The following PRKCA variants were observed in gnomAD, a reference collection of about 807,000 sequenced individuals.
PRKCA encodes protein kinase C alpha type.
Under a neutral mutation model 87.0 loss-of-function variants are expected in PRKCA, and 27 were observed. That is an observed-to-expected ratio of 0.31 (90% CI 0.23 to 0.43). The LOEUF (loss-of-function observed/expected upper bound fraction) is 0.43, where lower values mean the gene tolerates loss of function less well. PRKCA is among the 20% of genes least tolerant of loss of function. The pLI is 1.00. For synonymous variants in PRKCA, 329 were observed against 311.1 expected, an observed-to-expected ratio of 1.06 and a Z score of -0.61; for missense variants, 518 against 852.3, an observed-to-expected ratio of 0.61 and a Z score of 4.88.
chr17:66,426,315 T>C (rs749846154), intron 2 of PRKCA, among the ~76,000 whole-genome samples: 2 of 152,098 alleles, frequency 1.3e-5, no homozygotes, highest in Non-Finnish European at 2.9e-5. Context: ...TCATCATCTA[T>C]AGGAACTTTT....
At chr17:66,652,171 C>G (rs1971607008) in intron 5 of PRKCA, among the ~76,000 whole-genome samples, 1 of 152,136 alleles carries the variant, frequency 6.6e-6, no homozygotes, top group African/African-American at 2.4e-5. Context: ...GTTAGCTAGG[C>G]TGATCTCGAA....
At chr17:66,344,841 C>G (rs1435473818) in intron 2 of PRKCA, among the ~76,000 whole-genome samples, 2 of 152,220 alleles carry the variant, frequency 1.3e-5, no homozygotes, top group Non-Finnish European at 2.9e-5. Context: ...TCTCGGCTCA[C>G]TGCAACTTCC....
At chr17:66,421,428 G>GTTTTTTT (rs55825622) in intron 2 of PRKCA, among the ~76,000 whole-genome samples, 2 of 116,906 alleles carry the variant, frequency 1.7e-5, no homozygotes, top group African/African-American at 3.0e-5. Context: ...CACAGCCTCT[G>GTTTTTTT]TTTTTTTTTT....
chr17:66,441,700 C>A (rs1329733927), intron 2 of PRKCA, among the ~76,000 whole-genome samples: 1 of 152,142 alleles, frequency 6.6e-6, no homozygotes, highest in Non-Finnish European at 1.5e-5. Flanking sequence ...GTTTTTTCAA[C>A]CTGTAGCCAG....
At chr17:66,736,098 T>C (rs1023484385) in intron 10 of PRKCA, among the ~76,000 whole-genome samples, 2 of 151,506 alleles carry the variant, frequency 1.3e-5, no homozygotes, top group South Asian at 2.1e-4. Flanking sequence ...CCCAGGCTGG[T>C]CTTAAACTCC....
intron 8 of PRKCA, among the ~76,000 whole-genome samples, chr17:66,715,486 C>A (rs906342718): frequency 6.6e-6 from 1 of 152,182 alleles, no homozygotes; most frequent in Non-Finnish European, 1.5e-5. Context: ...TGCCTCCCTT[C>A]CCCCCAGGCC....
Position 66,765,474 on chromosome 17 carries a change from G to C in PRKCA, c.1525-8513G>C, listed in dbSNP as rs1210168057. Among the ~76,000 whole-genome samples the C allele has an allele frequency of 3.7e-5, 3 of 81,538 alleles. 1 individual carries two copies. The highest frequency in any genetic ancestry group is 1.4e-4 in the African/African-American group (3 of 21,260). 53.5% of individuals were successfully genotyped at this position (81,538 alleles called of 152,430 possible). A position where few individuals can be genotyped will look rare whatever the true frequency, so the allele number is the denominator to read the frequency against. ...TATATATCCATATATATACATATTT[G>C]TCCATATATATATATTTGTCTTTAT... On this transcript the variant is annotated intron_variant, in intron 13 of 16. Transcript: ENST00000413366.
At chr17:66,588,379 A>C (rs564510813) in intron 3 of PRKCA, among the ~76,000 whole-genome samples, 1 of 152,056 alleles carries the variant, frequency 6.6e-6, no homozygotes, top group Admixed American at 6.5e-5. Context: ...TCTGGATACT[A>C]ATTTTTTGTT....
intron 13 of PRKCA, among the ~76,000 whole-genome samples, chr17:66,761,315 A>G (rs1002463267): frequency 6.7e-6 from 1 of 149,422 alleles, no homozygotes; most frequent in Non-Finnish European, 1.5e-5. Flanking sequence ...GGTTGCAGTG[A>G]GCCAAGATCA....
intron 5 of PRKCA, among the ~76,000 whole-genome samples, chr17:66,662,866 T>C (rs1211193662): frequency 6.6e-6 from 1 of 152,234 alleles, no homozygotes; most frequent in Non-Finnish European, 1.5e-5. Context: ...CAGAGACAGA[T>C]ACTGATAGTC....
At position 66,804,137 on chromosome 17, in the gene PRKCA, T is replaced by C. The variant is rs1345276894; in HGVS notation, c.*100T>C. ...AATTTTAAGGCCACGGCCTTGTGTCTGATTCCATATGGAGGCCTGAAAATT... is the reference window on the plus strand; with the variant it reads ...AATTTTAAGGCCACGGCCTTGTGTCCGATTCCATATGGAGGCCTGAAAATT... On this transcript the variant is annotated 3_prime_UTR_variant, in exon 17 of 17. Transcript: ENST00000413366. 13 of 1,463,946 alleles carry C rather than the reference T, an allele frequency of 8.9e-6. No homozygotes were observed. The African/African-American group carries it at 1.8e-4, about 21-fold the overall frequency. The allele number at this position is 1,463,946 out of a possible 1,614,324, so 90.7% of individuals were successfully genotyped here.
chr17:66,561,846 AAT>A (rs1968688156), intron 3 of PRKCA, among the ~76,000 whole-genome samples: 2 of 151,932 alleles, frequency 1.3e-5, no homozygotes, highest in African/African-American at 4.8e-5. Flanking sequence ...AGGTACTTGG[AAT>A]AGTCAGAAAT....
chr17:66,384,822 G>A (rs1189095709), intron 2 of PRKCA, among the ~76,000 whole-genome samples: 1 of 151,908 alleles, frequency 6.6e-6, no homozygotes, highest in Admixed American at 6.6e-5. Context: ...AGTAGAGACG[G>A]GGTTTCACTG....
intron 2 of PRKCA, among the ~76,000 whole-genome samples, chr17:66,463,764 A>G (rs1914963408): frequency 1.3e-5 from 2 of 152,184 alleles, no homozygotes; most frequent in Admixed American, 1.3e-4. Flanking sequence ...ACTGAGCAGA[A>G]GATACAGAGA....
In PRKCA at chr17:66,803,353, G is replaced by T. The variant is rs1975945127; in HGVS notation, c.1855-520G>T. ...ATATCGCTTGAAGCTTAATTTAGGGGCTGGGGTTGCTGGAGCAGCCCAGTA... is the reference window on the plus strand; with the variant it reads ...ATATCGCTTGAAGCTTAATTTAGGGTCTGGGGTTGCTGGAGCAGCCCAGTA... On this transcript the variant is annotated intron_variant, in intron 16 of 16. Coordinates refer to ENST00000413366, the MANE Select transcript of PRKCA (RefSeq NM_002737.3). The surrounding 1 kb of genome is among the most constrained non-coding windows in gnomAD (Gnocchi z 4.4). 6.6e-6 allele frequency among the ~76,000 whole-genome samples: 1 copy of T among 152,196 alleles called. No homozygotes were observed. The highest frequency in any genetic ancestry group is 1.5e-5 in the Non-Finnish European group (1 of 68,030).
At chr17:66,441,206 G>A (rs1913733673) in intron 2 of PRKCA, among the ~76,000 whole-genome samples, 1 of 149,340 alleles carries the variant, frequency 6.7e-6, no homozygotes, top group Admixed American at 6.7e-5. Context: ...AGCTAGGCAT[G>A]ATGGTACGTG....
intron 3 of PRKCA, among the ~76,000 whole-genome samples, chr17:66,515,308 A>G (rs1040568677): frequency 1.3e-5 from 2 of 149,608 alleles, no homozygotes; most frequent in African/African-American, 4.9e-5. Flanking sequence ...TGAATGTTGG[A>G]TAGGTAACTA....
intron 16 of PRKCA, among the ~76,000 whole-genome samples, chr17:66,798,250 T>C (rs1235538630): frequency 1.3e-5 from 2 of 152,214 alleles, no homozygotes. Context: ...TGGTGATGAG[T>C]AAGGTTAGAT....
chr17:66,447,933 T>G (rs1366861622), intron 2 of PRKCA, among the ~76,000 whole-genome samples: 1 of 152,236 alleles, frequency 6.6e-6, no homozygotes, highest in East Asian at 1.9e-4. Context: ...GCATCGTGTG[T>G]GGACCCTTTT....
Sources: gnomAD v4.1 joint callset for allele counts (sites outside exome capture counted in the v4.1 genomes callset) on GRCh38, gnomAD v4.1.1 for gene constraint, Gnocchi (gnomAD v3.1) non-coding constraint, MANE v1.5 for transcripts, NCBI Gene and HGNC (gene_info 2026-07-23, HGNC 2026-07-21) for gene names.